KRTAP2-1: variants seen among roughly 807,000 people sequenced by gnomAD.
The protein encoded by KRTAP2-1 is keratin associated protein 2-1.
Under a neutral mutation model 11.6 loss-of-function variants are expected in KRTAP2-1, and 5 were observed. That is an observed-to-expected ratio of 0.43 (90% confidence interval 0.22 to 0.90). The LOEUF (loss-of-function observed/expected upper bound fraction) is 0.90. Among genes scored for constraint, KRTAP2-1 ranks in the 40% least tolerant of loss-of-function variants. The pLI, the probability that KRTAP2-1 is intolerant of heterozygous loss-of-function variation, is 0.26. For synonymous variants in KRTAP2-1, 19 were observed against 81.9 expected (o/e 0.23, Z 4.15); for missense variants, 40 against 191.3 (o/e 0.21, Z 4.67).
rs771918023 is a variant in KRTAP2-1 at position 41,046,818 on chromosome 17, G to T, written c.*63C>A. 6.3e-5 allele frequency: 98 copies of T among 1,545,520 alleles called. No individual in the cohort carries two copies. The highest frequency in any genetic ancestry group is 7.7e-5 in the Non-Finnish European group (88 of 1,147,672). On this transcript the variant is annotated 3_prime_UTR_variant, in exon 1 of 1. Coordinates refer to ENST00000391419, the MANE Select transcript of KRTAP2-1 (RefSeq NM_001123387.1). ...AGCAGGAGGAGGTCCTGCAGGTGGT[G>T]CTGCAAGGGGTCGGCTGGCCGCAGG...
chr17:41,047,263 G>A lies in KRTAP2-1; in HGVS notation c.5C>T (p.Thr2Ile). The A allele has an allele frequency of 7.0e-7, 1 of 1,421,330 alleles. No individual in the cohort carries two copies. The highest frequency in any genetic ancestry group is 1.5e-5 in the South Asian group (1 of 66,876). The allele number at this position is 1,421,330 out of a possible 1,614,324, so 88.0% of individuals were successfully genotyped here. A position where few individuals can be genotyped will look rare whatever the true frequency, so the allele number is the denominator to read the frequency against. Residue 2 changes from threonine to isoleucine, a missense_variant, in exon 1 of 1, where the codon ACC becomes ATC. Coordinates refer to ENST00000391419, the MANE Select transcript of KRTAP2-1 (RefSeq NM_001123387.1). M[T>I]GSCCGSTFSS... ...GAAGGTGGAGCCGCAGCAGGAGCCG[G>A]TCATGGTGGTGTCTGAGGCTGGTGT... is the stretch of plus-strand genomic sequence containing the variant.
rs34883066 is a variant in KRTAP2-1, at chr17:41,046,712, G to T, written c.*169C>A. ...GTGGGGTTTTGTGGGCTCAGGGCAG[G>T]AGGTTTGTTAAAGTAGAGAAATGGG... On this transcript the variant is annotated 3_prime_UTR_variant, in exon 1 of 1. Transcript: ENST00000391419. 9,262 of 1,487,438 alleles carry T rather than the reference G, an allele frequency of 6.2e-3. 461 individuals carry two copies. The African/African-American group carries it at 0.11, about 17-fold the overall frequency. 92.1% of individuals were successfully genotyped at this position (1,487,438 alleles called of 1,614,324 possible).
chr17:41,046,625 G>GT lies in KRTAP2-1; in HGVS notation c.*255_*256insA, dbSNP rs2012843141. 7 of 917,198 alleles carry GT rather than the reference G, an allele frequency of 7.6e-6. No individual in the cohort carries two copies. In the African/African-American group the frequency reaches 1.0e-4, roughly 13 times the overall value. The allele number at this position is 917,198 out of a possible 1,614,324, so 56.8% of individuals were successfully genotyped here. On this transcript the variant is annotated 3_prime_UTR_variant, in exon 1 of 1. Transcript: ENST00000391419. Reference sequence around the variant, plus strand: ...GAAGAAGGAAATTGCTTCTTTTACAGACTTCAGAATGGCCCAGGTCTTAAT... The same window carrying GT: ...GAAGAAGGAAATTGCTTCTTTTACAGTACTTCAGAATGGCCCAGGTCTTAAT...
At position 41,047,110 on chromosome 17, in the gene KRTAP2-1, G is replaced by C. The variant is rs2012859455; in HGVS notation, c.158C>G (p.Pro53Arg). ...PVTCVPRCTR[P>R]ICEPCRRPVC... ...CGGGCGGCGGCAGGGCTCGCAGATG[G>C]GGCGCGTGCAGCGGGGCACGCAGGT... Residue 53 changes from proline (P) to arginine (R), a missense_variant, in exon 1 of 1, where the codon CCC (proline) becomes CGC (arginine). Physicochemically the swap from Pro to Arg is moderately radical, Grantham distance 103 (BLOSUM62 -2). Coordinates refer to ENST00000391419, the MANE Select transcript of KRTAP2-1 (RefSeq NM_001123387.1). 7.4e-7 allele frequency: 1 copy of C among 1,345,144 alleles called. No homozygotes were observed. Among genetic ancestry groups the C allele is most frequent in the South Asian group, 1.5e-5 (1 of 66,032 alleles). 83.3% of individuals were successfully genotyped at this position (1,345,144 alleles called of 1,614,324 possible).
rs1421778352 is a variant in KRTAP2-1, at chr17:41,046,679, T to C, written c.*202A>G. 11 of 1,399,844 alleles carry C rather than the reference T, an allele frequency of 7.9e-6. No homozygotes were observed. The highest frequency in any genetic ancestry group is 1.0e-5 in the Non-Finnish European group (11 of 1,050,340). The allele number at this position is 1,399,844 out of a possible 1,614,324, so 86.7% of individuals were successfully genotyped here. ...TGAGCCCAGTGCTCGGTTCCCTGCT[T>C]GGTTGATGTGGGGTTTTGTGGGCTC... On this transcript the variant is annotated 3_prime_UTR_variant, in exon 1 of 1. Coordinates refer to ENST00000391419, the MANE Select transcript of KRTAP2-1 (RefSeq NM_001123387.1).
chr17:41,046,584 T>C lies in KRTAP2-1; in HGVS notation c.*297A>G, dbSNP rs1399985189. 1 of 641,316 alleles carries C rather than the reference T, an allele frequency of 1.6e-6. No homozygotes were observed. Among genetic ancestry groups the C allele is most frequent in the African/African-American group, 1.8e-5 (1 of 54,600 alleles). 39.7% of individuals were successfully genotyped at this position (641,316 alleles called of 1,614,324 possible). On this transcript the variant is annotated 3_prime_UTR_variant, in exon 1 of 1. Coordinates refer to ENST00000391419, the MANE Select transcript of KRTAP2-1 (RefSeq NM_001123387.1). Reference sequence around the variant, plus strand: ...ACAGATATTTATTAGAAAATAAACATGCCACGAAATCTTAAGAAGAAGGAA... The same window carrying C: ...ACAGATATTTATTAGAAAATAAACACGCCACGAAATCTTAAGAAGAAGGAA...
Position 41,047,280 on chromosome 17 carries a change from G to C in KRTAP2-1, c.-13C>G, listed in dbSNP as rs1056895472. 1.1e-6 allele frequency: 1 copy of C among 940,752 alleles called. No homozygotes were observed. The highest frequency in any genetic ancestry group is 2.4e-5 in the South Asian group (1 of 41,340). The allele number at this position is 940,752 out of a possible 1,614,324, so 58.3% of individuals were successfully genotyped here. A position where few individuals can be genotyped will look rare whatever the true frequency, so the allele number is the denominator to read the frequency against. ...AGGAGCCGGTCATGGTGGTGTCTGA[G>C]GCTGGTGTGGGTTGGGCTGTGGAGA... is the stretch of plus-strand genomic sequence containing the variant. On this transcript the variant is annotated 5_prime_UTR_variant, in exon 1 of 1. Coordinates refer to ENST00000391419, the MANE Select transcript of KRTAP2-1 (RefSeq NM_001123387.1).
chr17:41,046,727 A>G lies in KRTAP2-1; in HGVS notation c.*154T>C. ...CTCAGGGCAGGAGGTTTGTTAAAGT[A>G]GAGAAATGGGAGTGTGACTTTTTCA... On this transcript the variant is annotated 3_prime_UTR_variant, in exon 1 of 1. Coordinates refer to ENST00000391419, the MANE Select transcript of KRTAP2-1 (RefSeq NM_001123387.1). 6.7e-7 allele frequency: 1 copy of G among 1,499,644 alleles called. No individual in the cohort carries two copies. The highest frequency in any genetic ancestry group is 2.0e-5 in the Admixed American group (1 of 49,514). The allele number at this position is 1,499,644 out of a possible 1,614,324, so 92.9% of individuals were successfully genotyped here. A position where few individuals can be genotyped will look rare whatever the true frequency, so the allele number is the denominator to read the frequency against.
At position 41,046,846 on chromosome 17, in the gene KRTAP2-1, G is replaced by A; in HGVS notation, c.*35C>T. 1.3e-6 allele frequency: 2 copies of A among 1,548,332 alleles called. No individual in the cohort carries two copies. The highest frequency in any genetic ancestry group is 1.7e-6 in the Non-Finnish European group (2 of 1,148,710). On this transcript the variant is annotated 3_prime_UTR_variant, in exon 1 of 1. Coordinates refer to ENST00000391419, the MANE Select transcript of KRTAP2-1 (RefSeq NM_001123387.1). ...GCAAGGGGTCGGCTGGCCGCAGGGG[G>A]ACTGCACAGACACAGGCTGGCAGCA...
At position 41,046,664 on chromosome 17, in the gene KRTAP2-1, G is replaced by C. The variant is rs1302731882; in HGVS notation, c.*217C>G. On this transcript the variant is annotated 3_prime_UTR_variant, in exon 1 of 1. Transcript: ENST00000391419. ...CCAGGTCTTAATAGATGAGCCCAGT[G>C]CTCGGTTCCCTGCTTGGTTGATGTG... The C allele has an allele frequency of 3.0e-6, 4 of 1,328,780 alleles. No homozygotes were observed. The highest frequency in any genetic ancestry group is 2.5e-5 in the East Asian group (1 of 39,470). 82.3% of individuals were successfully genotyped at this position (1,328,780 alleles called of 1,614,324 possible).
In KRTAP2-1 at chr17:41,047,064, G is replaced by C; in HGVS notation, c.204C>G (p.Ser68=). The C allele has an allele frequency of 1.4e-6, 2 of 1,401,398 alleles. No homozygotes were observed. The highest frequency in any genetic ancestry group is 1.9e-6 in the Non-Finnish European group (2 of 1,048,278). The allele number at this position is 1,401,398 out of a possible 1,614,324, so 86.8% of individuals were successfully genotyped here. Residue 68 remains serine, a synonymous_variant, in exon 1 of 1, where the codon TCC becomes TCG. Coordinates refer to ENST00000391419, the MANE Select transcript of KRTAP2-1 (RefSeq NM_001123387.1). ...CRRPVCCDPC[S]LQEGCCRPIT... is the part of the protein sequence containing the mutation. ...TGGGGCGGCAGCAGCCTTCCTGCAG[G>C]GAGCAGGGGTCGCAGCACACCGGGC...
Position 41,046,687 on chromosome 17 carries a change from G to A in KRTAP2-1, c.*194C>T. 6.9e-7 allele frequency: 1 copy of A among 1,439,006 alleles called. No individual in the cohort carries two copies. The allele number at this position is 1,439,006 out of a possible 1,614,324, so 89.1% of individuals were successfully genotyped here. On this transcript the variant is annotated 3_prime_UTR_variant, in exon 1 of 1. Transcript: ENST00000391419. ...GTGCTCGGTTCCCTGCTTGGTTGATGTGGGGTTTTGTGGGCTCAGGGCAGG... is the reference window on the plus strand; with the variant it reads ...GTGCTCGGTTCCCTGCTTGGTTGATATGGGGTTTTGTGGGCTCAGGGCAGG...
rs1190145934 is a variant in KRTAP2-1 at position 41,047,016 on chromosome 17, G to T, written c.252C>A (p.Cys84Ter). The change falls in exon 1 of 1, where the codon TGC becomes TGA. Residue 84 changes from cysteine (C) to a stop codon, truncating the protein, a stop_gained. Transcript: ENST00000391419. LOFTEE classifies it high-confidence loss of function. ...CRPITCCPSSCTAVVCRPCCW... is the reference protein window; with the variant it reads ...CRPITCCPSS The stretch of plus-strand genomic sequence containing the variant: ...AGCAGGGCCTGCACACCACAGCCGT[G>T]CACGACGAGGGGCAGCAGGTGATGG... The T allele has an allele frequency of 6.6e-6, 10 of 1,506,292 alleles. No individual in the cohort carries two copies. The highest frequency in any genetic ancestry group is 1.4e-5 in the African/African-American group (1 of 72,408). 93.3% of individuals were successfully genotyped at this position (1,506,292 alleles called of 1,614,324 possible).
In KRTAP2-1 at chr17:41,047,028, G is replaced by A. The variant is rs539517271; in HGVS notation, c.240C>T (p.Cys80=). 1.8e-3 allele frequency: 2,676 copies of A among 1,489,506 alleles called. No homozygotes were observed. The highest frequency in any genetic ancestry group is 3.6e-3 in the Middle Eastern group (15 of 4,224). 92.3% of individuals were successfully genotyped at this position (1,489,506 alleles called of 1,614,324 possible). A position where few individuals can be genotyped will look rare whatever the true frequency, so the allele number is the denominator to read the frequency against. The change falls in exon 1 of 1, where the codon TGC becomes TGT. Residue 80 remains cysteine (C), a synonymous_variant. Coordinates refer to ENST00000391419, the MANE Select transcript of KRTAP2-1 (RefSeq NM_001123387.1). ...ACACCACAGCCGTGCACGACGAGGG[G>A]CAGCAGGTGATGGGGCGGCAGCAGC... ...QEGCCRPITC[C]PSSCTAVVCR...
chr17:41,046,758 T>G lies in KRTAP2-1; in HGVS notation c.*123A>C, dbSNP rs2012846303. 7 of 1,521,474 alleles carry G rather than the reference T, an allele frequency of 4.6e-6. No individual in the cohort carries two copies. Among genetic ancestry groups the G allele is most frequent in the Non-Finnish European group, 6.2e-6 (7 of 1,135,716 alleles). 94.2% of individuals were successfully genotyped at this position (1,521,474 alleles called of 1,614,324 possible). ...ATGGGAGTGTGACTTTTTCAGAAGG[T>G]GAGTTACGCGTTCCGGGCAGTCAGT... On this transcript the variant is annotated 3_prime_UTR_variant, in exon 1 of 1. Coordinates refer to ENST00000391419, the MANE Select transcript of KRTAP2-1 (RefSeq NM_001123387.1).
chr17:41,046,551 G>T lies in KRTAP2-1; in HGVS notation c.*330C>A. On this transcript the variant is annotated 3_prime_UTR_variant, in exon 1 of 1. Coordinates refer to ENST00000391419, the MANE Select transcript of KRTAP2-1 (RefSeq NM_001123387.1). ...AAATAAAACCAAATCTTTTTGCAAG[G>T]CCAAAGAACAGATATTTATTAGAAA... The T allele has an allele frequency of 1.9e-6, 1 of 534,352 alleles. No homozygotes were observed. The highest frequency in any genetic ancestry group is 3.1e-6 in the Non-Finnish European group (1 of 322,130). 33.1% of individuals were successfully genotyped at this position (534,352 alleles called of 1,614,324 possible). A position where few individuals can be genotyped will look rare whatever the true frequency, so the allele number is the denominator to read the frequency against.
chr17:41,046,651 A>AT lies in KRTAP2-1; in HGVS notation c.*229_*230insA, dbSNP rs556534795. ...ACTTCAGAATGGCCCAGGTCTTAAT[A>AT]GATGAGCCCAGTGCTCGGTTCCCTG... On this transcript the variant is annotated 3_prime_UTR_variant, in exon 1 of 1. Transcript: ENST00000391419. The AT allele has an allele frequency of 2.5e-5, 30 of 1,210,490 alleles. No homozygotes were observed. Among genetic ancestry groups the AT allele is most frequent in the Non-Finnish European group, 3.1e-5 (28 of 890,244 alleles). The allele number at this position is 1,210,490 out of a possible 1,614,324, so 75.0% of individuals were successfully genotyped here.
In KRTAP2-1 at chr17:41,046,727, A is replaced by C; in HGVS notation, c.*154T>G. 6.7e-7 allele frequency: 1 copy of C among 1,499,618 alleles called. No individual in the cohort carries two copies. The highest frequency in any genetic ancestry group is 8.9e-7 in the Non-Finnish European group (1 of 1,124,914). 92.9% of individuals were successfully genotyped at this position (1,499,618 alleles called of 1,614,324 possible). ...CTCAGGGCAGGAGGTTTGTTAAAGT[A>C]GAGAAATGGGAGTGTGACTTTTTCA... On this transcript the variant is annotated 3_prime_UTR_variant, in exon 1 of 1. Coordinates refer to ENST00000391419, the MANE Select transcript of KRTAP2-1 (RefSeq NM_001123387.1).
Position 41,047,043 on chromosome 17 carries a change from G to A in KRTAP2-1, c.225C>T (p.Arg75=), listed in dbSNP as rs2012856945. 6.9e-7 allele frequency: 1 copy of A among 1,459,002 alleles called. No homozygotes were observed. The highest frequency in any genetic ancestry group is 2.1e-5 in the Admixed American group (1 of 48,502). 90.4% of individuals were successfully genotyped at this position (1,459,002 alleles called of 1,614,324 possible). A position where few individuals can be genotyped will look rare whatever the true frequency, so the allele number is the denominator to read the frequency against. Reference sequence around the variant, plus strand: ...ACGACGAGGGGCAGCAGGTGATGGGGCGGCAGCAGCCTTCCTGCAGGGAGC... The same window carrying A: ...ACGACGAGGGGCAGCAGGTGATGGGACGGCAGCAGCCTTCCTGCAGGGAGC... ...DPCSLQEGCC[R]PITCCPSSCT... Residue 75 remains arginine, a synonymous_variant, in exon 1 of 1, where the codon CGC becomes CGT. Coordinates refer to ENST00000391419, the MANE Select transcript of KRTAP2-1 (RefSeq NM_001123387.1).
Sources: gnomAD v4.1 joint callset for allele counts on GRCh38, gnomAD v4.1.1 for gene constraint, MANE v1.5 for transcripts, NCBI Gene and HGNC (gene_info 2026-07-23, HGNC 2026-07-21) for gene names.